UBTD1: variants seen among roughly 807,000 people sequenced by gnomAD.
UBTD1 encodes the protein ubiquitin domain containing 1.
In UBTD1, 19 loss-of-function variants were observed where a neutral mutation model predicts 21.7. The ratio of observed to expected loss-of-function variants is 0.87; its 90% CI spans 0.61 to 1.28. The LOEUF (loss-of-function observed/expected upper bound fraction) is 1.28, where lower values mean the gene tolerates loss of function less well. Ranked by LOEUF, UBTD1 falls within the 50% of genes most tolerant of loss-of-function variation. The probability of loss-of-function intolerance (pLI) is 0.00; values close to 1 mark genes in which losing one functional copy is unlikely to be tolerated. For missense variants in UBTD1, 282 were observed against 315.1 expected (o/e 0.89, Z 0.80); for synonymous variants, 116 against 135.1 (o/e 0.86, Z 0.98).
At chr10:97,522,227 AC>A (rs2040469696) in intron 1 of UBTD1, among the ~76,000 whole-genome samples, 1 of 152,202 alleles carries the variant, frequency 6.6e-6, no homozygotes, top group African/African-American at 2.4e-5. Flanking sequence ...TCCACTTAGC[AC>A]CCTTGCCAGG....
In UBTD1 at chr10:97,560,925, A is replaced by G. The variant is rs562220077; in HGVS notation, c.71-6989A>G. 1.4e-3 allele frequency among the ~76,000 whole-genome samples: 207 copies of G among 152,036 alleles called. 2 individuals carry two copies. The highest frequency in any genetic ancestry group is 4.6e-3 in the African/African-American group (192 of 41,482). ...AGTATCCAGAAATCCAAGCCAGGTCAAAACCAAAACCAAAGTATCACACAA... is the reference window on the plus strand; with the variant it reads ...AGTATCCAGAAATCCAAGCCAGGTCGAAACCAAAACCAAAGTATCACACAA... On this transcript the variant is annotated intron_variant, in intron 1 of 2. Transcript: ENST00000370664.
At chr10:97,540,266 G>A (rs2040581660) in intron 1 of UBTD1, among the ~76,000 whole-genome samples, 1 of 152,240 alleles carries the variant, frequency 6.6e-6, no homozygotes, top group South Asian at 2.1e-4. Flanking sequence ...ATAAGTGCTG[G>A]AAATGGAATT....
intron 1 of UBTD1, among the ~76,000 whole-genome samples, chr10:97,507,003 T>C (rs527794837): frequency 6.6e-6 from 1 of 152,358 alleles, no homozygotes; most frequent in South Asian, 2.1e-4. Context: ...GTGAATGCTC[T>C]CTGAGTCTCT....
In UBTD1 at chr10:97,570,298, G is replaced by A. The variant is rs1354666167; in HGVS notation, c.459G>A (p.Val153=). ...PSVRREFPLK[V]RLSTGKDVRL... Reference sequence around the variant, plus strand: ...TGCGCCGTGAGTTCCCGCTGAAGGTGCGCCTGTCCACGGGCAAGGACGTGA... The same window carrying A: ...TGCGCCGTGAGTTCCCGCTGAAGGTACGCCTGTCCACGGGCAAGGACGTGA... Residue 153 remains valine, a synonymous_variant, in exon 3 of 3, where the codon GTG becomes GTA. Transcript: ENST00000370664. The surrounding 1 kb of genome is among the most constrained non-coding windows in gnomAD (Gnocchi z 6.6). 1 of 1,613,132 alleles carries A rather than the reference G, an allele frequency of 6.2e-7. No individual in the cohort carries two copies. The highest frequency in any genetic ancestry group is 2.2e-5 in the East Asian group (1 of 44,878).
intron 1 of UBTD1, among the ~76,000 whole-genome samples, chr10:97,538,077 T>C (rs1373820825): frequency 6.6e-6 from 1 of 152,064 alleles, no homozygotes; most frequent in Non-Finnish European, 1.5e-5. Flanking sequence ...CCTCCTGCCT[T>C]GGCCTCCCAA....
chr10:97,520,792 C>A (rs1017061907), intron 1 of UBTD1, among the ~76,000 whole-genome samples: 1 of 152,154 alleles, frequency 6.6e-6, no homozygotes, highest in Non-Finnish European at 1.5e-5. Context: ...CAAGTGGCCA[C>A]CCCGGTTTCT....
chr10:97,541,825 C>T (rs574446793), intron 1 of UBTD1, among the ~76,000 whole-genome samples: 1 of 150,990 alleles, frequency 6.6e-6, no homozygotes, highest in East Asian at 2.0e-4. Context: ...ACCTCCGCCT[C>T]CCTAGTTTAA....
At position 97,504,833 on chromosome 10, in the gene UBTD1, C is replaced by G. The variant is rs76663893; in HGVS notation, c.70+5560C>G. 3.0e-3 allele frequency among the ~76,000 whole-genome samples: 460 copies of G among 152,296 alleles called. 6 individuals are homozygous for G. The highest frequency in any genetic ancestry group is 0.011 in the African/African-American group (441 of 41,548). On this transcript the variant is annotated intron_variant, in intron 1 of 2. Transcript: ENST00000370664. ...TAAACTGCAACCTCAGAGTGGTGTT[C>G]TATCTCTGGGACTGGCTTCTCTCTT...
chr10:97,512,647 C>A (rs1032468462), intron 1 of UBTD1, among the ~76,000 whole-genome samples: 13 of 152,250 alleles, frequency 8.5e-5, no homozygotes, highest in African/African-American at 3.1e-4. Flanking sequence ...CTGCAGCTAA[C>A]CCCTCCTGTT....
At position 97,570,334 on chromosome 10, in the gene UBTD1, C is replaced by T; in HGVS notation, c.495C>T (p.Ala165=). ...LSTGKDVRLS[A]SLPDTVGQLK... ...CGGGCAAGGACGTGAGGCTCAGCGC[C>T]AGCCTGCCCGACACAGTGGGGCAGC... The change falls in exon 3 of 3, where the codon GCC becomes GCT. Residue 165 remains alanine (A), a synonymous_variant. Coordinates refer to ENST00000370664, the MANE Select transcript of UBTD1 (RefSeq NM_024954.5). The surrounding 1 kb of genome is among the most constrained non-coding windows in gnomAD (Gnocchi z 6.6). The T allele has an allele frequency of 6.2e-7, 1 of 1,613,144 alleles. No individual in the cohort carries two copies. The highest frequency in any genetic ancestry group is 8.5e-7 in the Non-Finnish European group (1 of 1,179,888).
chr10:97,533,638 C>T (rs2040544211), intron 1 of UBTD1, among the ~76,000 whole-genome samples: 1 of 152,078 alleles, frequency 6.6e-6, no homozygotes, highest in Admixed American at 6.6e-5. Flanking sequence ...AGATCTTAAG[C>T]TCTGGGCTGG....
intron 1 of UBTD1, among the ~76,000 whole-genome samples, chr10:97,544,111 G>A (rs982703065): frequency 2.0e-5 from 3 of 151,868 alleles, no homozygotes; most frequent in Non-Finnish European, 2.9e-5. Context: ...GTGAAACCCC[G>A]TCTCTACTAA....
chr10:97,533,533 G>C (rs2040543263), intron 1 of UBTD1, among the ~76,000 whole-genome samples: 1 of 152,186 alleles, frequency 6.6e-6, no homozygotes, highest in South Asian at 2.1e-4. Context: ...GAGCGTGTCT[G>C]AGGGAATGAG....
At chr10:97,511,725 T>C (rs1346901913) in intron 1 of UBTD1, among the ~76,000 whole-genome samples, 3 of 152,142 alleles carry the variant, frequency 2.0e-5, no homozygotes, top group Admixed American at 2.0e-4. Context: ...TGGATGAGCA[T>C]TTCATTTCCT....
intron 1 of UBTD1, among the ~76,000 whole-genome samples, chr10:97,563,613 C>T (rs1043115653): frequency 6.6e-6 from 1 of 152,140 alleles, no homozygotes; most frequent in African/African-American, 2.4e-5. Context: ...CAAAGATCAT[C>T]TATCCACTCC....
intron 1 of UBTD1, among the ~76,000 whole-genome samples, chr10:97,555,104 T>C (rs1317128342): frequency 3.3e-5 from 5 of 152,068 alleles, no homozygotes; most frequent in African/African-American, 1.2e-4. Flanking sequence ...TAAAATGCCA[T>C]TGAAGCTAAA....
At chr10:97,529,549 G>T (rs1438330997) in intron 1 of UBTD1, among the ~76,000 whole-genome samples, 1 of 152,214 alleles carries the variant, frequency 6.6e-6, no homozygotes, top group East Asian at 1.9e-4. Flanking sequence ...ATCACTCGCG[G>T]TTAGGAGCTG....
At chr10:97,542,063 C>T (rs183246148) in intron 1 of UBTD1, among the ~76,000 whole-genome samples, 53 of 152,318 alleles carry the variant, frequency 3.5e-4, no homozygotes, top group African/African-American at 1.2e-3. Flanking sequence ...AGCCACCTCT[C>T]TGTGTTCCAA....
intron 1 of UBTD1, among the ~76,000 whole-genome samples, chr10:97,563,024 G>A (rs2040700255): frequency 6.6e-6 from 1 of 152,114 alleles, no homozygotes; most frequent in African/African-American, 2.4e-5. Flanking sequence ...ACTGAAGAAA[G>A]ATTTGGGGGT....
Sources: allele counts gnomAD v4.1 joint callset (sites outside exome capture counted in the v4.1 genomes callset), GRCh38; gene constraint gnomAD v4.1.1; non-coding constraint Gnocchi (gnomAD v3.1); transcripts MANE v1.5; gene names NCBI Gene and HGNC (gene_info 2026-07-23, HGNC 2026-07-21).